The following KCNH7 variants were observed in gnomAD, a reference collection of about 807,000 sequenced individuals.
KCNH7 encodes voltage-gated inwardly rectifying potassium channel KCNH7.
KCNH7 carries 49 observed loss-of-function variants against 120.8 expected under a neutral mutation model. The ratio of observed to expected loss-of-function variants is 0.41; its 90% CI spans 0.32 to 0.51. KCNH7 has a LOEUF of 0.51. Ranked by LOEUF, KCNH7 falls within the 20% of genes least tolerant of loss-of-function variation. KCNH7 has a pLI of 0.38. For missense variants in KCNH7, 1,097 were observed against 1,446.6 expected, an observed-to-expected ratio of 0.76 and a Z score of 3.92; for synonymous variants, 547 against 516.1, an observed-to-expected ratio of 1.06 and a Z score of -0.81.
intron 6 of KCNH7, among the ~76,000 whole-genome samples, chr2:162,469,538 T>C (rs948082325): frequency 5.3e-5 from 8 of 152,224 alleles, no homozygotes; most frequent in African/African-American, 1.9e-4. Flanking sequence ...TTTTTGTTTG[T>C]TTTCAGTTGG....
intron 6 of KCNH7, among the ~76,000 whole-genome samples, chr2:162,467,048 A>C (rs1232396840): frequency 6.6e-6 from 1 of 152,160 alleles, no homozygotes; most frequent in African/African-American, 2.4e-5. Flanking sequence ...GTTCTTTCCT[A>C]TGACAGTGGG....
chr2:162,748,863 T>TCCCCTCCCCCC lies in KCNH7; in HGVS notation c.307+87673_307+87674insGGGGGGAGGGG, dbSNP rs1335417092. On this transcript the variant is annotated intron_variant, in intron 2 of 15. Coordinates refer to ENST00000332142, the MANE Select transcript of KCNH7 (RefSeq NM_033272.4). ...CTCCCCTCCCTCCCCTCCCCTTCCC[T>TCCCCTCCCCCC]CCCCTCCCCCTTCCCCTCCCTCCCT... Among the ~76,000 whole-genome samples the TCCCCTCCCCCC allele has an allele frequency of 2.9e-3, 95 of 32,806 alleles. 1 individual carries two copies. Among genetic ancestry groups the TCCCCTCCCCCC allele is most frequent in the Admixed American group, 4.1e-3 (10 of 2,420 alleles). 21.5% of individuals were successfully genotyped at this position (32,806 alleles called of 152,430 possible). A position where few individuals can be genotyped will look rare whatever the true frequency, so the allele number is the denominator to read the frequency against.
intron 6 of KCNH7, among the ~76,000 whole-genome samples, chr2:162,459,718 T>A (rs1421362907): frequency 6.6e-6 from 1 of 152,072 alleles, no homozygotes; most frequent in Admixed American, 6.6e-5. Context: ...TAAAGCCACA[T>A]CCATATTCTG....
At chr2:162,718,584 G>C (rs1295561166) in intron 2 of KCNH7, among the ~76,000 whole-genome samples, 1 of 151,898 alleles carries the variant, frequency 6.6e-6, no homozygotes, top group Non-Finnish European at 1.5e-5. Context: ...CCTTTTCACT[G>C]ATGGCTCATA....
intron 2 of KCNH7, among the ~76,000 whole-genome samples, chr2:162,682,832 A>G (rs1685759310): frequency 6.6e-6 from 1 of 151,854 alleles, no homozygotes; most frequent in Non-Finnish European, 1.5e-5. Flanking sequence ...CAACATTTAT[A>G]TATAACCATG....
At chr2:162,579,395 TG>T (rs1303770899) in intron 2 of KCNH7, among the ~76,000 whole-genome samples, 1 of 152,092 alleles carries the variant, frequency 6.6e-6, no homozygotes, top group Non-Finnish European at 1.5e-5. Context: ...TCTTGGCTGA[TG>T]GAAGTGTATG....
At chr2:162,761,359 A>G (rs937393010) in intron 2 of KCNH7, among the ~76,000 whole-genome samples, 7 of 152,140 alleles carry the variant, frequency 4.6e-5, no homozygotes, top group Admixed American at 4.6e-4. Flanking sequence ...TGGAGTTTCA[A>G]CGTCCCTGTG....
rs182644963 is a variant in KCNH7, at chr2:162,803,385, A to C, written c.307+33152T>G. 1.2e-3 allele frequency among the ~76,000 whole-genome samples: 186 copies of C among 151,866 alleles called. 2 individuals are homozygous for C. The highest frequency in any genetic ancestry group is 0.012 in the Admixed American group (183 of 15,220). The stretch of plus-strand genomic sequence containing the variant: ...TTGTAGGCATTTTTGTTGATCTATT[A>C]AATACTTGTGTGAAATATTTTAATG... On this transcript the variant is annotated intron_variant, in intron 2 of 15. Coordinates refer to ENST00000332142, the MANE Select transcript of KCNH7 (RefSeq NM_033272.4).
At chr2:162,410,526 C>G (rs950579890) in intron 9 of KCNH7, among the ~76,000 whole-genome samples, 1 of 151,530 alleles carries the variant, frequency 6.6e-6, no homozygotes, top group African/African-American at 2.4e-5. Flanking sequence ...TTACCAACAC[C>G]TCTTCAACCT....
chr2:162,513,930 T>A (rs1691197484), intron 4 of KCNH7, among the ~76,000 whole-genome samples: 1 of 151,792 alleles, frequency 6.6e-6, no homozygotes, highest in Non-Finnish European at 1.5e-5. Flanking sequence ...TATTTTCAGA[T>A]TTACTTTGAG....
intron 9 of KCNH7, among the ~76,000 whole-genome samples, chr2:162,413,363 G>T (rs1359302804): frequency 1.3e-5 from 2 of 152,070 alleles, no homozygotes; most frequent in Non-Finnish European, 2.9e-5. Context: ...CTGACCTCAG[G>T]TGATCCACCC....
intron 2 of KCNH7, among the ~76,000 whole-genome samples, chr2:162,643,376 C>A (rs1684233481): frequency 6.6e-6 from 1 of 151,436 alleles, no homozygotes; most frequent in African/African-American, 2.4e-5. Context: ...GAAAACAAAA[C>A]CTCTCAGAAT....
At position 162,371,705 on chromosome 2, in the gene KCNH7, C is replaced by T; in HGVS notation, c.*124G>A. On this transcript the variant is annotated 3_prime_UTR_variant, in exon 16 of 16. Transcript: ENST00000332142. ...ACAAGCTTCAATTTAGGAAAATATA[C>T]AGTACTTTTGCATATAATGGTACCT... 2 of 956,608 alleles carry T rather than the reference C, an allele frequency of 2.1e-6. No homozygotes were observed. The highest frequency in any genetic ancestry group is 3.0e-6 in the Non-Finnish European group (2 of 664,214). The allele number at this position is 956,608 out of a possible 1,614,324, so 59.3% of individuals were successfully genotyped here.
intron 5 of KCNH7, among the ~76,000 whole-genome samples, chr2:162,505,519 A>G (rs1690842225): frequency 6.6e-6 from 1 of 151,616 alleles, no homozygotes; most frequent in Non-Finnish European, 1.5e-5. Context: ...AGGTGGCAAG[A>G]CTCCTGGTTT....
intron 9 of KCNH7, among the ~76,000 whole-genome samples, chr2:162,410,767 C>T (rs912553014): frequency 6.6e-6 from 1 of 152,052 alleles, no homozygotes. Context: ...AATCAAAGAA[C>T]TCCAATAAAA....
intron 2 of KCNH7, among the ~76,000 whole-genome samples, chr2:162,734,020 G>A (rs953696004): frequency 6.6e-6 from 1 of 151,856 alleles, no homozygotes; most frequent in East Asian, 1.9e-4. Flanking sequence ...TTGAGGCTCA[G>A]AAATTTAAAT....
intron 10 of KCNH7, among the ~76,000 whole-genome samples, chr2:162,397,469 A>G (rs775947350): frequency 1.7e-4 from 26 of 151,856 alleles, no homozygotes; most frequent in Admixed American, 9.9e-4. Flanking sequence ...CCCTTAAAAA[A>G]TATGCCCAAT....
intron 2 of KCNH7, among the ~76,000 whole-genome samples, chr2:162,658,294 G>A (rs574117074): frequency 9.2e-5 from 14 of 152,096 alleles, no homozygotes; most frequent in Admixed American, 9.2e-4. Context: ...TTAAAGGATA[G>A]GTGACTATAT....
intron 2 of KCNH7, among the ~76,000 whole-genome samples, chr2:162,816,656 A>G (rs569671576): frequency 3.9e-5 from 6 of 152,300 alleles, no homozygotes; most frequent in African/African-American, 1.4e-4. Flanking sequence ...GCTATAAGAA[A>G]TAAGTGTGGA....
Sources: gnomAD v4.1 joint callset for allele counts (sites outside exome capture counted in the v4.1 genomes callset) on GRCh38, gnomAD v4.1.1 for gene constraint, MANE v1.5 for transcripts, NCBI Gene and HGNC (gene_info 2026-07-23, HGNC 2026-07-21) for gene names.